Variants in DNA2 observed in about 807,000 individuals in gnomAD.
DNA2 encodes DNA replication ATP-dependent helicase/nuclease DNA2.
In DNA2, 101 loss-of-function variants were observed where a neutral mutation model predicts 119.1. The observed-to-expected ratio is 0.85, with a 90% CI of 0.72 to 1.00. The LOEUF is 1.00. Ranked by LOEUF, DNA2 falls within the 50% of genes least tolerant of loss-of-function variation. The pLI is 0.00. For synonymous variants in DNA2, 366 were observed against 424.4 expected (o/e 0.86, Z 1.69); for missense variants, 1,121 against 1,255.5 (o/e 0.89, Z 1.62).
rs550180676 is a variant in DNA2, at chr10:68,454,595, C to T, written c.720-4348G>A. The stretch of plus-strand genomic sequence containing the variant: ...GTGAGGTGGGTGGATCACCTAAGGT[C>T]AGAAGTTTGAGACCAGCCTGGTCAG... On this transcript the variant is annotated intron_variant, in intron 5 of 20. Coordinates refer to ENST00000358410, the MANE Select transcript of DNA2 (RefSeq NM_001080449.3). Among the ~76,000 whole-genome samples the T allele has an allele frequency of 4.8e-3, 732 of 152,104 alleles. 2 individuals are homozygous for T. The highest frequency in any genetic ancestry group is 5.0e-3 in the Non-Finnish European group (340 of 68,004).
intron 13 of DNA2, among the ~76,000 whole-genome samples, chr10:68,431,255 A>G (rs1453311216): frequency 1.3e-5 from 2 of 148,606 alleles, no homozygotes; most frequent in African/African-American, 4.9e-5. Flanking sequence ...ATTTACTGAC[A>G]TGAAAAAAAA....
chr10:68,468,441 T>A (rs1590078645), intron 2 of DNA2, 135 bp from the exon 3 acceptor site: 607 of 437,608 alleles, frequency 1.4e-3, no homozygotes, highest in South Asian at 2.2e-3. Flanking sequence ...TCTGGGTCTT[T>A]AAAAAAAAAA....
At chr10:68,416,590 T>C (rs2051592328) in intron 20 of DNA2, 119 bp downstream of exon 20, 2 of 1,031,376 alleles carry the variant, frequency 1.9e-6, no homozygotes, top group Non-Finnish European at 2.9e-6. Flanking sequence ...GGAGGATCGC[T>C]TGAGCCCAGG....
intron 4 of DNA2, among the ~76,000 whole-genome samples, chr10:68,462,150 C>T (rs1316271641): frequency 6.6e-6 from 1 of 152,126 alleles, no homozygotes; most frequent in Non-Finnish European, 1.5e-5. Context: ...ACGAGTGGAT[C>T]ACTTGAGGTC....
intron 19 of DNA2, 59 bp downstream of exon 19, chr10:68,418,975 C>T: frequency 6.6e-7 from 1 of 1,504,130 alleles, no homozygotes; most frequent in Non-Finnish European, 8.9e-7. Context: ...GCCCGGCCCA[C>T]AATTTTTAAA....
At chr10:68,438,237 T>C (rs981259165) in intron 9 of DNA2, among the ~76,000 whole-genome samples, 1 of 152,060 alleles carries the variant, frequency 6.6e-6, no homozygotes, top group Admixed American at 6.6e-5. Context: ...AAAAAAATTA[T>C]AGCCAGGCGC....
intron 14 of DNA2, 106 bp downstream of exon 14, chr10:68,430,330 T>C (rs1654093578): frequency 4.0e-6 from 3 of 754,714 alleles, no homozygotes; most frequent in Admixed American, 2.7e-5. Flanking sequence ...AAATTAATCA[T>C]GTGCAAATCC....
Position 68,432,296 on chromosome 10 carries a change from T to C in DNA2, c.1783A>G (p.Ile595Val). ...AACTGAGGTTCACGAAAGTCAATAA[T>C]TAAATCTCGAAGTTTTTTGCTGAAA... is the stretch of plus-strand genomic sequence containing the variant. ...TFVSKKLRDLIIDFREPQFIS... is the reference protein window; with the variant it reads ...TFVSKKLRDLVIDFREPQFIS... The change falls in exon 12 of 21, where the codon ATT (isoleucine) becomes GTT (valine). Residue 595 changes from isoleucine to valine, a missense_variant. Physicochemically the swap from Ile to Val is conservative, Grantham distance 29. Transcript: ENST00000358410. 1 of 1,602,652 alleles carries C rather than the reference T, an allele frequency of 6.2e-7. No homozygotes were observed. Among genetic ancestry groups the C allele is most frequent in the South Asian group, 1.1e-5 (1 of 88,014 alleles).
intron 5 of DNA2, among the ~76,000 whole-genome samples, chr10:68,453,896 T>C (rs2052151379): frequency 6.6e-6 from 1 of 152,130 alleles, no homozygotes; most frequent in South Asian, 2.1e-4. Context: ...CTAGCATGAG[T>C]GCATTGTATA....
At chr10:68,429,485 T>TA (rs1452302963) in intron 14 of DNA2, among the ~76,000 whole-genome samples, 3 of 148,028 alleles carry the variant, frequency 2.0e-5, no homozygotes, top group African/African-American at 7.5e-5. Context: ...CAGAGGCTGC[T>TA]GTGAGCTGAG....
At chr10:68,439,631 A>T (rs2051939922) in intron 9 of DNA2, among the ~76,000 whole-genome samples, 1 of 151,852 alleles carries the variant, frequency 6.6e-6, no homozygotes, top group Non-Finnish European at 1.5e-5. Context: ...TGAGGTTGGG[A>T]GTTCAAGACC....
chr10:68,461,226 A>G (rs1156595876), intron 4 of DNA2, among the ~76,000 whole-genome samples: 1 of 152,218 alleles, frequency 6.6e-6, no homozygotes, highest in Non-Finnish European at 1.5e-5. Context: ...TACAAGGTCA[A>G]AATTATGTCG....
intron 14 of DNA2, among the ~76,000 whole-genome samples, chr10:68,425,341 G>A (rs2051725198): frequency 6.6e-6 from 1 of 151,060 alleles, no homozygotes; most frequent in African/African-American, 2.4e-5. Context: ...TGATCCACCC[G>A]CCTCGGTGTT....
At chr10:68,426,640 CCTGT>C (rs145004590) in intron 14 of DNA2, among the ~76,000 whole-genome samples, 10,667 of 151,554 alleles carry the variant, frequency 0.07, 544 homozygotes, top group African/African-American at 0.15. Context: ...TGGAGACCAA[CCTGT>C]CTAAGAGACG....
At chr10:68,431,257 G>GA (rs59959262) in intron 13 of DNA2, among the ~76,000 whole-genome samples, 13,173 of 145,178 alleles carry the variant, frequency 0.091, 870 homozygotes, top group South Asian at 0.24. Flanking sequence ...TTACTGACAT[G>GA]AAAAAAAAAA....
At chr10:68,424,538 C>T (rs924328255) in intron 14 of DNA2, 27 of 781,634 alleles carry the variant, frequency 3.5e-5, no homozygotes, top group Non-Finnish European at 5.3e-5. Context: ...GGCCTGAGGC[C>T]GCCGCTAGCC....
chr10:68,438,621 G>A (rs1424990711), intron 9 of DNA2, among the ~76,000 whole-genome samples: 2 of 151,996 alleles, frequency 1.3e-5, no homozygotes, highest in African/African-American at 2.4e-5. Context: ...TGACAGATTC[G>A]CTACATATAT....
intron 2 of DNA2, 83 bp downstream of exon 2, chr10:68,469,898 T>C (rs2052366159): frequency 1.6e-6 from 2 of 1,213,270 alleles, no homozygotes; most frequent in South Asian, 1.7e-5. Context: ...TAAATTATAG[T>C]AACATTCACA....
intron 14 of DNA2, 62 bp from the exon 15 acceptor site, chr10:68,422,952 T>C (rs1408618041): frequency 2.2e-5 from 28 of 1,272,854 alleles, no homozygotes; most frequent in African/African-American, 3.0e-5. Flanking sequence ...TTTGTTTCTC[T>C]CATTTTTGAA....
Sources: gnomAD v4.1 joint callset for allele counts (sites outside exome capture counted in the v4.1 genomes callset) on GRCh38, gnomAD v4.1.1 for gene constraint, MANE v1.5 for transcripts, NCBI Gene and HGNC (gene_info 2026-07-23, HGNC 2026-07-21) for gene names.